The following PDGFC variants were observed in gnomAD, a reference collection of about 807,000 sequenced individuals.
PDGFC encodes platelet-derived growth factor C.
Under a neutral mutation model 35.5 loss-of-function variants are expected in PDGFC, and 12 were observed. The ratio of observed to expected loss-of-function variants is 0.34; its 90% CI spans 0.22 to 0.55. The LOEUF is 0.55. Ranked by LOEUF, PDGFC falls within the 20% of genes least tolerant of loss-of-function variation. The pLI is 0.91. For missense variants in PDGFC, 322 were observed against 412.4 expected, an observed-to-expected ratio of 0.78 and a Z score of 1.90; for synonymous variants, 159 against 148.8, an observed-to-expected ratio of 1.07 and a Z score of -0.50.
At chr4:156,866,211 G>T (rs1057091005) in intron 1 of PDGFC, among the ~76,000 whole-genome samples, 2 of 151,988 alleles carry the variant, frequency 1.3e-5, no homozygotes, top group East Asian at 3.9e-4. Flanking sequence ...GCAGTGTTTG[G>T]TTTTTTGTCC....
chr4:156,837,481 T>A (rs930830933), intron 2 of PDGFC, among the ~76,000 whole-genome samples: 2 of 152,152 alleles, frequency 1.3e-5, no homozygotes, highest in African/African-American at 4.8e-5. Context: ...GATAGTAACA[T>A]GAATATTTCT....
At chr4:156,768,897 C>T (rs1242587157) in intron 4 of PDGFC, among the ~76,000 whole-genome samples, 5 of 151,804 alleles carry the variant, frequency 3.3e-5, no homozygotes, top group South Asian at 2.1e-4. Context: ...AAAATTATAT[C>T]GAAATAACAT....
intron 2 of PDGFC, among the ~76,000 whole-genome samples, chr4:156,828,056 C>T (rs1039397197): frequency 3.9e-5 from 6 of 152,152 alleles, no homozygotes; most frequent in East Asian, 1.9e-4. Context: ...AAGCTACTTC[C>T]GCCGGAAATG....
intron 3 of PDGFC, among the ~76,000 whole-genome samples, chr4:156,796,452 T>C (rs2110898375): frequency 6.6e-6 from 1 of 151,608 alleles, no homozygotes; most frequent in Non-Finnish European, 1.5e-5. Context: ...ATGTTATCCT[T>C]GGGGAAAATT....
intron 1 of PDGFC, among the ~76,000 whole-genome samples, chr4:156,865,899 A>C (rs2111126916): frequency 6.6e-6 from 1 of 152,308 alleles, no homozygotes; most frequent in African/African-American, 2.4e-5. Flanking sequence ...GTTTTGATTA[A>C]GTTAATAGTG....
chr4:156,861,018 A>T (rs1011972285), intron 1 of PDGFC, among the ~76,000 whole-genome samples: 2 of 152,198 alleles, frequency 1.3e-5, no homozygotes, highest in Non-Finnish European at 1.5e-5. Context: ...CAGAATAATA[A>T]ATTCAACTTT....
intron 1 of PDGFC, among the ~76,000 whole-genome samples, chr4:156,949,009 T>C (rs185691742): frequency 1.3e-5 from 2 of 151,960 alleles, no homozygotes; most frequent in Admixed American, 6.6e-5. Context: ...TGCTGAAATA[T>C]GAGAAAGGTG....
chr4:156,893,667 A>G (rs1413662447), intron 1 of PDGFC, among the ~76,000 whole-genome samples: 1 of 149,388 alleles, frequency 6.7e-6, no homozygotes, highest in Non-Finnish European at 1.5e-5. Flanking sequence ...ACTCATTACC[A>G]TCAAAAAAAA....
intron 1 of PDGFC, among the ~76,000 whole-genome samples, chr4:156,852,299 C>T (rs1178725809): frequency 6.6e-6 from 1 of 152,112 alleles, no homozygotes; most frequent in East Asian, 1.9e-4. Context: ...TATTCACTGC[C>T]TTTTGGATAT....
intron 5 of PDGFC, among the ~76,000 whole-genome samples, chr4:156,764,468 A>T (rs993676126): frequency 2.0e-5 from 3 of 152,204 alleles, no homozygotes; most frequent in Non-Finnish European, 4.4e-5. Context: ...TAAGTGACAC[A>T]GCCTTTATTT....
At chr4:156,852,487 CT>C (rs1366839295) in intron 1 of PDGFC, among the ~76,000 whole-genome samples, 1 of 152,164 alleles carries the variant, frequency 6.6e-6, no homozygotes, top group African/African-American at 2.4e-5. Context: ...AACCTATTCT[CT>C]GTCTCTCTAC....
At chr4:156,787,352 TAAG>T (rs1051375426) in intron 3 of PDGFC, among the ~76,000 whole-genome samples, 1 of 152,074 alleles carries the variant, frequency 6.6e-6, no homozygotes, top group Admixed American at 6.5e-5. Flanking sequence ...ATAGGTCTGA[TAAG>T]AGGAGGATTG....
chr4:156,828,094 T>C (rs1728831353), intron 2 of PDGFC, among the ~76,000 whole-genome samples: 1 of 152,190 alleles, frequency 6.6e-6, no homozygotes, highest in Non-Finnish European at 1.5e-5. Context: ...TCTTTCTCAC[T>C]CTGTCACTTT....
chr4:156,949,111 T>C (rs1732018052), intron 1 of PDGFC, among the ~76,000 whole-genome samples: 1 of 151,974 alleles, frequency 6.6e-6, no homozygotes, highest in African/African-American at 2.4e-5. Context: ...AAAGAGAGAC[T>C]ATCTCTTTTG....
chr4:156,918,031 T>C (rs1477589310), intron 1 of PDGFC, among the ~76,000 whole-genome samples: 1 of 152,196 alleles, frequency 6.6e-6, no homozygotes, highest in East Asian at 1.9e-4. Flanking sequence ...CAAGAAGTAA[T>C]TACTTGGTGC....
chr4:156,895,020 A>C (rs1012087917), intron 1 of PDGFC, among the ~76,000 whole-genome samples: 1 of 152,184 alleles, frequency 6.6e-6, no homozygotes, highest in African/African-American at 2.4e-5. Context: ...CAGGTTTGTA[A>C]GACAGTAGAA....
At chr4:156,769,685 T>C (rs1730638356) in intron 4 of PDGFC, among the ~76,000 whole-genome samples, 1 of 152,026 alleles carries the variant, frequency 6.6e-6, no homozygotes, top group Non-Finnish European at 1.5e-5. Flanking sequence ...TTTCAAATGC[T>C]CTGAATAGGC....
chr4:156,958,445 TA>T (rs1169106881), intron 1 of PDGFC, among the ~76,000 whole-genome samples: 8 of 152,140 alleles, frequency 5.3e-5, no homozygotes, highest in African/African-American at 1.9e-4. Flanking sequence ...CTTCCAGCAG[TA>T]ACACTTAAAA....
intron 2 of PDGFC, among the ~76,000 whole-genome samples, chr4:156,834,605 G>C (rs1729018727): frequency 6.6e-6 from 1 of 152,082 alleles, no homozygotes; most frequent in African/African-American, 2.4e-5. Flanking sequence ...TGAGATTTCT[G>C]GTGAGAAAGG....
Sources: gnomAD v4.1 joint callset for allele counts (sites outside exome capture counted in the v4.1 genomes callset) on GRCh38, gnomAD v4.1.1 for gene constraint, MANE v1.5 for transcripts, NCBI Gene and HGNC (gene_info 2026-07-23, HGNC 2026-07-21) for gene names.